Variants in IL36B observed in about 807,000 individuals in gnomAD.
IL36B encodes interleukin 36 beta, also known as interleukin-36 beta.
Under a neutral mutation model 19.3 loss-of-function variants are expected in IL36B, and 23 were observed. The observed-to-expected ratio is 1.19, with a 90% CI of 0.86 to 1.69. IL36B has a LOEUF of 1.69. Ranked by LOEUF, IL36B falls within the 40% of genes most tolerant of loss-of-function variation. The probability of loss-of-function intolerance (pLI) is 0.00; values close to 1 mark genes in which losing one functional copy is unlikely to be tolerated. For synonymous variants in IL36B, 59 were observed against 59.7 expected, an observed-to-expected ratio of 0.99 and a Z score of 0.05; for missense variants, 217 against 200.5, an observed-to-expected ratio of 1.08 and a Z score of -0.50.
intron 1 of IL36B, among the ~76,000 whole-genome samples, chr2:113,051,074 A>C (rs1685435961): frequency 6.6e-6 from 1 of 151,814 alleles, no homozygotes. Flanking sequence ...CGTGCCTCTC[A>C]TCGTGGCCTC....
intron 1 of IL36B, among the ~76,000 whole-genome samples, chr2:113,038,427 T>C (rs1167760908): frequency 6.6e-6 from 1 of 152,230 alleles, no homozygotes; most frequent in African/African-American, 2.4e-5. Flanking sequence ...GAAATGGTTC[T>C]AGGTTTTTCC....
intron 1 of IL36B, among the ~76,000 whole-genome samples, chr2:113,051,145 C>A (rs895376266): frequency 6.6e-6 from 1 of 152,292 alleles, no homozygotes. Flanking sequence ...ACACTGAGAG[C>A]GGCAGGCCCC....
chr2:113,036,243 C>A lies in IL36B; in HGVS notation c.-57-4477G>T, dbSNP rs570557956. Among the ~76,000 whole-genome samples the A allele has an allele frequency of 2.0e-5, 3 of 151,988 alleles. No homozygotes were observed. The South Asian group carries it at 6.2e-4, about 32-fold the overall frequency. Reference sequence around the variant, plus strand: ...TTCAGGCGTGAGCCAGCGTACCAGGCCTGATTCTATATTATTTTTAAAGCA... The same window carrying A: ...TTCAGGCGTGAGCCAGCGTACCAGGACTGATTCTATATTATTTTTAAAGCA... On this transcript the variant is annotated intron_variant, in intron 1 of 5. Transcript: ENST00000259213.
chr2:113,037,509 C>A (rs1163952313), intron 1 of IL36B, among the ~76,000 whole-genome samples: 1 of 152,186 alleles, frequency 6.6e-6, no homozygotes, highest in South Asian at 2.1e-4. Flanking sequence ...ATTAGCCAGG[C>A]GTGGTGGCAC....
At chr2:113,024,566 A>T (rs1296154234) in intron 5 of IL36B, among the ~76,000 whole-genome samples, 1 of 152,176 alleles carries the variant, frequency 6.6e-6, no homozygotes, top group Admixed American at 6.5e-5. Context: ...CTCTCGATCC[A>T]GGAGAGCAAA....
chr2:113,050,333 A>G (rs970351753), intron 1 of IL36B, among the ~76,000 whole-genome samples: 6 of 130,014 alleles, frequency 4.6e-5, no homozygotes, highest in South Asian at 4.7e-4. Context: ...GTTAAGTGAA[A>G]TAAACTAATA....
In IL36B at chr2:113,031,692, C is replaced by G; in HGVS notation, c.13+5G>C. The stretch of plus-strand genomic sequence containing the variant: ...TTCCAAGCTGATTTGCAATTCACCA[C>G]TTACGTTGTGGGTTCATGATGTCTT... On this transcript the variant is annotated splice_donor_5th_base_variant and intron_variant, in intron 2 of 5. Transcript: ENST00000259213. 6.2e-7 allele frequency: 1 copy of G among 1,610,388 alleles called. No homozygotes were observed. The highest frequency in any genetic ancestry group is 8.5e-7 in the Non-Finnish European group (1 of 1,176,906).
Position 113,035,956 on chromosome 2 carries a change from GT to G in IL36B, c.-57-4191del, listed in dbSNP as rs563830029. On this transcript the variant is annotated intron_variant, in intron 1 of 5. Coordinates refer to ENST00000259213, the MANE Select transcript of IL36B (RefSeq NM_014438.5). Reference sequence around the variant, plus strand: ...TAATTTTGCACTTTTCGATTCTTTTGTTTTTTTCTTTTCTTTTGCTCTGTCG... The same window carrying G: ...TAATTTTGCACTTTTCGATTCTTTTGTTTTTTCTTTTCTTTTGCTCTGTCG... Among the ~76,000 whole-genome samples, 5 of 152,122 alleles carry G rather than the reference GT, an allele frequency of 3.3e-5. No individual in the cohort carries two copies. In the East Asian group the frequency reaches 9.6e-4, roughly 29 times the overall value.
chr2:113,039,120 T>C (rs573595269), intron 1 of IL36B, among the ~76,000 whole-genome samples: 1 of 152,300 alleles, frequency 6.6e-6, no homozygotes, highest in East Asian at 1.9e-4. Flanking sequence ...ATCAGCATAG[T>C]CCAGGTTGGC....
chr2:113,036,520 A>T (rs1398322248), intron 1 of IL36B, among the ~76,000 whole-genome samples: 1 of 152,144 alleles, frequency 6.6e-6, no homozygotes, highest in Non-Finnish European at 1.5e-5. Flanking sequence ...CCAACCCTTG[A>T]TATGAAGCTC....
chr2:113,026,011 C>T (rs1264825960), intron 5 of IL36B: 1 of 1,524,530 alleles, frequency 6.6e-7, no homozygotes, highest in Non-Finnish European at 8.8e-7. Flanking sequence ...GATTATGTCT[C>T]AATACTGCTG....
chr2:113,032,572 AC>A (rs1266232913), intron 1 of IL36B, among the ~76,000 whole-genome samples: 1 of 152,152 alleles, frequency 6.6e-6, no homozygotes, highest in Non-Finnish European at 1.5e-5. Flanking sequence ...TGTACCTTTG[AC>A]AAGACTCCCA....
chr2:113,041,773 C>T (rs1685262227), intron 1 of IL36B, among the ~76,000 whole-genome samples: 1 of 152,158 alleles, frequency 6.6e-6, no homozygotes, highest in Non-Finnish European at 1.5e-5. Context: ...CAGGGTCTCA[C>T]CTATGTTGCC....
At chr2:113,046,876 A>G (rs1470569236) in intron 1 of IL36B, among the ~76,000 whole-genome samples, 2 of 152,158 alleles carry the variant, frequency 1.3e-5, no homozygotes, top group Non-Finnish European at 2.9e-5. Context: ...CCATTTCCAT[A>G]CTATATTCAT....
chr2:113,039,721 C>A (rs1685222416), intron 1 of IL36B, among the ~76,000 whole-genome samples: 1 of 152,126 alleles, frequency 6.6e-6, no homozygotes, highest in African/African-American at 2.4e-5. Context: ...ATTTCAGAAA[C>A]CACAGTCCAT....
chr2:113,025,687 G>T (rs896750759), intron 5 of IL36B, among the ~76,000 whole-genome samples: 3 of 152,206 alleles, frequency 2.0e-5, no homozygotes, highest in Non-Finnish European at 2.9e-5. Context: ...CCGTAAAACA[G>T]CTGGAAGGGA....
Position 113,028,999 on chromosome 2 carries a change from C to A in IL36B, c.201G>T (p.Lys67Asn). Reference sequence around the variant, plus strand: ...CACAGAAGAGACAGAGATCTTTTCCCTTGATTCCCAGGTAAACCATATTAC... The same window carrying A: ...CACAGAAGAGACAGAGATCTTTTCCATTGATTCCCAGGTAAACCATATTAC... The change falls in exon 4 of 6, where the codon AAG (lysine) becomes AAT (asparagine). Residue 67 changes from lysine to asparagine, a missense_variant. Lys to Asn is a moderately conservative substitution (Grantham distance 94). Transcript: ENST00000259213. 6.2e-7 allele frequency: 1 copy of A among 1,614,122 alleles called. No individual in the cohort carries two copies. Among genetic ancestry groups the A allele is most frequent in the Non-Finnish European group, 8.5e-7 (1 of 1,179,964 alleles).
intron 1 of IL36B, among the ~76,000 whole-genome samples, chr2:113,051,848 G>A (rs554116652): frequency 3.7e-4 from 56 of 152,106 alleles, no homozygotes; most frequent in Non-Finnish European, 6.9e-4. Context: ...ACTCCAGGGA[G>A]TGATAAATTC....
chr2:113,048,107 T>G (rs760920147), intron 1 of IL36B, among the ~76,000 whole-genome samples: 1 of 152,148 alleles, frequency 6.6e-6, no homozygotes, highest in Non-Finnish European at 1.5e-5. Flanking sequence ...ATAGCGTCTG[T>G]AAGAAACCCT....
Sources: allele counts gnomAD v4.1 joint callset (sites outside exome capture counted in the v4.1 genomes callset), GRCh38; gene constraint gnomAD v4.1.1; transcripts MANE v1.5; gene names NCBI Gene and HGNC (gene_info 2026-07-23, HGNC 2026-07-21).